The following PAAF1 variants were observed in gnomAD, a reference collection of about 807,000 sequenced individuals.
The protein encoded by PAAF1 is proteasomal ATPase-associated factor 1.
Under a neutral mutation model 52.8 loss-of-function variants are expected in PAAF1, and 46 were observed. The observed-to-expected ratio is 0.87, with a 90% CI of 0.69 to 1.11. The LOEUF is 1.11. Among genes scored for constraint, PAAF1 ranks in the 50% most tolerant of loss-of-function variants. The pLI, the probability that PAAF1 is intolerant of heterozygous loss-of-function variation, is 0.00. For missense variants in PAAF1, 424 were observed against 477.4 expected, an observed-to-expected ratio of 0.89 and a Z score of 1.04; for synonymous variants, 178 against 172.8, an observed-to-expected ratio of 1.03 and a Z score of -0.24.
intron 7 of PAAF1, 50 bp downstream of exon 7, chr11:73,909,643 C>T (rs1438173318): frequency 1.3e-6 from 2 of 1,535,076 alleles, no homozygotes; most frequent in East Asian, 2.3e-5. Context: ...AGGCCCCCTT[C>T]AGTGATTGCC....
intron 6 of PAAF1, among the ~76,000 whole-genome samples, chr11:73,902,500 G>C (rs1476314930): frequency 6.6e-6 from 1 of 152,172 alleles, no homozygotes; most frequent in East Asian, 1.9e-4. Flanking sequence ...AGTGGAACAA[G>C]TCATGACTCA....
intron 9 of PAAF1, among the ~76,000 whole-genome samples, chr11:73,918,352 A>ATTTTTTTTTTTTTTTTTT (rs1157984685): frequency 1.4e-5 from 1 of 71,734 alleles, no homozygotes; most frequent in Non-Finnish European, 2.6e-5. Context: ...CAGTTACTTA[A>ATTTTTTTTTTTTTTTTTT]TTTTTTTTTT....
rs757147116 is a variant in PAAF1, at chr11:73,900,321, T to C, written c.433T>C (p.Ser145Pro). The change falls in exon 6 of 12, where the codon TCA becomes CCA. Residue 145 changes from serine (S) to proline (P), a missense_variant. Transcript: ENST00000310571. ...TGTGAATTGTTGCAGGTTTTTCCCA[T>C]CAGGCCTTGTGGTCCTGAGTGGGGG... ...FDVNCCRFFP[S>P]GLVVLSGGMD... The C allele has an allele frequency of 1.9e-5, 30 of 1,612,812 alleles. No individual in the cohort carries two copies. The East Asian group carries it at 6.5e-4, about 35-fold the overall frequency.
chr11:73,918,879 T>C lies in PAAF1; in HGVS notation c.936-71T>C, dbSNP rs1433054331. 4 of 1,115,758 alleles carry C rather than the reference T, an allele frequency of 3.6e-6. No homozygotes were observed. In the African/African-American group the frequency reaches 4.6e-5, roughly 13 times the overall value. The allele number at this position is 1,115,758 out of a possible 1,614,324, so 69.1% of individuals were successfully genotyped here. A position where few individuals can be genotyped will look rare whatever the true frequency, so the allele number is the denominator to read the frequency against. The stretch of plus-strand genomic sequence containing the variant: ...CTGTTTGCTCTTATGTGGTTAGTAC[T>C]ATATGTTGAATATAGTCAAGTATTG... On this transcript the variant is annotated intron_variant, in intron 9 of 11. Transcript: ENST00000310571.
At position 73,927,437 on chromosome 11, in the gene PAAF1, C is replaced by A; in HGVS notation, c.*75C>A. On this transcript the variant is annotated 3_prime_UTR_variant, in exon 12 of 12. Coordinates refer to ENST00000310571, the MANE Select transcript of PAAF1 (RefSeq NM_025155.3). Reference sequence around the variant, plus strand: ...ACAATGAGCAGAAACATCATCAGTCCTTCCCAAGGACCATGGCGTTTAATG... The same window carrying A: ...ACAATGAGCAGAAACATCATCAGTCATTCCCAAGGACCATGGCGTTTAATG... 1.6e-6 allele frequency: 2 copies of A among 1,246,038 alleles called. No individual in the cohort carries two copies. Among genetic ancestry groups the A allele is most frequent in the South Asian group, 1.2e-5 (1 of 81,348 alleles). 77.2% of individuals were successfully genotyped at this position (1,246,038 alleles called of 1,614,324 possible). A position where few individuals can be genotyped will look rare whatever the true frequency, so the allele number is the denominator to read the frequency against.
At chr11:73,884,064 C>T (rs1431471346) in intron 2 of PAAF1, among the ~76,000 whole-genome samples, 1 of 152,098 alleles carries the variant, frequency 6.6e-6, no homozygotes, top group East Asian at 1.9e-4. Flanking sequence ...GGATTGGTGA[C>T]AGTCGGCACA....
chr11:73,904,492 A>G (rs879116613), intron 6 of PAAF1, among the ~76,000 whole-genome samples: 2 of 152,146 alleles, frequency 1.3e-5, no homozygotes, highest in Admixed American at 1.3e-4. Context: ...TCATAATGGT[A>G]GTGGAAATGC....
At chr11:73,893,090 G>A (rs148734141) in intron 4 of PAAF1, among the ~76,000 whole-genome samples, 18 of 152,222 alleles carry the variant, frequency 1.2e-4, no homozygotes, top group Middle Eastern at 3.4e-3. Flanking sequence ...TTATATTACT[G>A]GACATTCAGG....
rs201135154 is a variant in PAAF1 at position 73,908,307 on chromosome 11, G to GTA, written c.533-1084_533-1083dup. 4.0e-3 allele frequency among the ~76,000 whole-genome samples: 573 copies of GTA among 143,070 alleles called. 10 individuals carry two copies. The highest frequency in any genetic ancestry group is 0.03 in the Admixed American group (427 of 14,132). The allele number at this position is 143,070 out of a possible 152,430, so 93.9% of individuals were successfully genotyped here. On this transcript the variant is annotated intron_variant, in intron 6 of 11. Transcript: ENST00000310571. ...TATGTATATATATGTGTGTATATAT[G>GTA]TATATATATGTGTATATATGTATAT...
chr11:73,887,714 G>C (rs58589518), intron 3 of PAAF1, among the ~76,000 whole-genome samples: 3 of 152,170 alleles, frequency 2.0e-5, no homozygotes, highest in African/African-American at 7.2e-5. Context: ...ATTTTCTAGT[G>C]GCCACATTAT....
At chr11:73,881,699 T>G (rs371819340) in intron 2 of PAAF1, among the ~76,000 whole-genome samples, 15 of 152,194 alleles carry the variant, frequency 9.9e-5, no homozygotes, top group African/African-American at 3.4e-4. Context: ...CAAGGAGTTT[T>G]TTTGTTTGTT....
At chr11:73,893,792 C>T (rs370121823) in intron 4 of PAAF1, among the ~76,000 whole-genome samples, 1 of 150,154 alleles carries the variant, frequency 6.7e-6, no homozygotes, top group Non-Finnish European at 1.5e-5. Context: ...GGCGCGGTGG[C>T]TCATGCTTAT....
At chr11:73,911,126 C>T (rs1468069805) in intron 7 of PAAF1, among the ~76,000 whole-genome samples, 2 of 151,942 alleles carry the variant, frequency 1.3e-5, no homozygotes, top group Admixed American at 6.6e-5. Context: ...CTACGTGACA[C>T]ATTATTGTCA....
At chr11:73,911,625 T>TC (rs1949933302) in intron 7 of PAAF1, among the ~76,000 whole-genome samples, 1 of 148,020 alleles carries the variant, frequency 6.8e-6, no homozygotes, top group South Asian at 2.2e-4. Flanking sequence ...GACCTTCCTT[T>TC]TTTTTTTTTT....
rs149515881 is a variant in PAAF1, at chr11:73,915,776, G to A, written c.820-769G>A. On this transcript the variant is annotated intron_variant, in intron 8 of 11. Coordinates refer to ENST00000310571, the MANE Select transcript of PAAF1 (RefSeq NM_025155.3). ...AAATTTCCTTCTAGCTCCTGTGATC[G>A]TCATCCAGACAACTTTAGTGATTTG... Among the ~76,000 whole-genome samples, 681 of 152,238 alleles carry A rather than the reference G, an allele frequency of 4.5e-3. 19 individuals carry two copies. The highest frequency in any genetic ancestry group is 9.4e-4 in the Non-Finnish European group (64 of 68,014).
At chr11:73,890,989 C>A in intron 3 of PAAF1, 123 bp from the exon 4 acceptor site, 2 of 625,072 alleles carry the variant, frequency 3.2e-6, no homozygotes, top group Non-Finnish European at 5.7e-6. Flanking sequence ...GAAAGGAGAA[C>A]GAGAGAGGGT....
chr11:73,882,435 A>ATTAT (rs754294044), intron 2 of PAAF1, among the ~76,000 whole-genome samples: 14 of 137,104 alleles, frequency 1.0e-4, no homozygotes, highest in South Asian at 2.3e-4. Context: ...TTTTATTTTT[A>ATTAT]TTATTTATTT....
chr11:73,889,998 A>G (rs1949157472), intron 3 of PAAF1, among the ~76,000 whole-genome samples: 1 of 152,204 alleles, frequency 6.6e-6, no homozygotes, highest in South Asian at 2.1e-4. Context: ...ATTCTTTCTA[A>G]TGAACTGTGA....
At chr11:73,905,384 C>T (rs866254636) in intron 6 of PAAF1, among the ~76,000 whole-genome samples, 18 of 151,856 alleles carry the variant, frequency 1.2e-4, no homozygotes, top group South Asian at 2.1e-4. Context: ...CCACCATGCC[C>T]GGCTAATTTT....
Sources: allele counts gnomAD v4.1 joint callset (sites outside exome capture counted in the v4.1 genomes callset), GRCh38; gene constraint gnomAD v4.1.1; transcripts MANE v1.5; gene names NCBI Gene and HGNC (gene_info 2026-07-23, HGNC 2026-07-21).